The following CEBPB variants were observed in gnomAD, a reference collection of about 807,000 sequenced individuals.
The protein encoded by CEBPB is CCAAT/enhancer-binding protein beta.
For synonymous variants in CEBPB, 295 were observed against 267.1 expected, an observed-to-expected ratio of 1.10 and a Z score of -1.02; for missense variants, 498 against 533.1, an observed-to-expected ratio of 0.93 and a Z score of 0.65.
In CEBPB at chr20:50,192,312, G is replaced by C; in HGVS notation, c.*241G>C. On this transcript the variant is annotated 3_prime_UTR_variant, in exon 1 of 1. Coordinates refer to ENST00000303004, the MANE Select transcript of CEBPB (RefSeq NM_005194.4). ...CCGTGGTGTTATTTAAAGAAGAAACGTCTATGTGTACAGATGAATGATAAA... is the reference window on the plus strand; with the variant it reads ...CCGTGGTGTTATTTAAAGAAGAAACCTCTATGTGTACAGATGAATGATAAA... 1 of 188,152 alleles carries C rather than the reference G, an allele frequency of 5.3e-6. No homozygotes were observed. The highest frequency in any genetic ancestry group is 1.2e-5 in the Non-Finnish European group (1 of 84,678). The allele number at this position is 188,152 out of a possible 1,614,324, so 11.7% of individuals were successfully genotyped here. A position where few individuals can be genotyped will look rare whatever the true frequency, so the allele number is the denominator to read the frequency against.
At chr20:50,190,591 C>CCGGGGCGG (rs2081568060), upstream of CEBPB, 1 of 152,398 alleles carries the variant, frequency 6.6e-6, no homozygotes. Context: ...GCTCCCAATC[C>CCGGGGCGG]CGGGGCGGCC....
chr20:50,191,969 G>A lies in CEBPB; in HGVS notation c.936G>A (p.Arg312=). 6.2e-7 allele frequency: 1 copy of A among 1,611,778 alleles called. No homozygotes were observed. Among genetic ancestry groups the A allele is most frequent in the Non-Finnish European group, 8.5e-7 (1 of 1,179,330 alleles). ...TGGAGCTCACGGCCGAGAACGAGCG[G>A]CTGCAGAAGAAGGTGGAGCAGCTGT... ...KVLELTAENE[R]LQKKVEQLSR... The change falls in exon 1 of 1, where the codon CGG becomes CGA. Residue 312 remains arginine, a synonymous_variant. Transcript: ENST00000303004.
chr20:50,190,740 C>T (rs1251488986), upstream of CEBPB: 2 of 265,942 alleles, frequency 7.5e-6, no homozygotes, highest in Non-Finnish European at 1.4e-5. Context: ...CCGTGTCCTT[C>T]GCGTCCCGGC....
In CEBPB at chr20:50,191,074, T is replaced by TGCC. The variant is rs760594355; in HGVS notation, c.54_56dup (p.Pro19dup). Reference sequence around the variant, plus strand: ...GCCTGGGACCCAGCATGTCTCCCCCTGCCGCCGCCGCCGCCTGCCTTTAAA... The same window carrying TGCC: ...GCCTGGGACCCAGCATGTCTCCCCCTGCCGCCGCCGCCGCCGCCTGCCTTTAAA... On this transcript the variant is annotated inframe_insertion, in exon 1 of 1. Transcript: ENST00000303004. 56 of 1,553,676 alleles carry TGCC rather than the reference T, an allele frequency of 3.6e-5. No individual in the cohort carries two copies. The highest frequency in any genetic ancestry group is 8.5e-5 in the African/African-American group (6 of 70,340).
At position 50,192,149 on chromosome 20, in the gene CEBPB, C is replaced by G; in HGVS notation, c.*78C>G. The stretch of plus-strand genomic sequence containing the variant: ...GCCCGCGCCCGCGCCCTCGCCCCCG[C>G]CCCCGGCGGCGCCGGCAAAACTTTG... On this transcript the variant is annotated 3_prime_UTR_variant, in exon 1 of 1. Coordinates refer to ENST00000303004, the MANE Select transcript of CEBPB (RefSeq NM_005194.4). 8.4e-7 allele frequency: 1 copy of G among 1,192,624 alleles called. No homozygotes were observed. 73.9% of individuals were successfully genotyped at this position (1,192,624 alleles called of 1,614,324 possible).
At position 50,192,405 on chromosome 20, in the gene CEBPB, C is replaced by G. The variant is rs1334874849; in HGVS notation, c.*334C>G. On this transcript the variant is annotated 3_prime_UTR_variant, in exon 1 of 1. Transcript: ENST00000303004. The stretch of plus-strand genomic sequence containing the variant: ...GGGCCGGTTTCGAAGTTGATGCAAT[C>G]GGTTTAAACATGGCTGAACGCGTGT... 1.8e-5 allele frequency: 3 copies of G among 169,302 alleles called. No homozygotes were observed. The highest frequency in any genetic ancestry group is 4.8e-5 in the African/African-American group (2 of 41,458). The allele number at this position is 169,302 out of a possible 1,614,324, so 10.5% of individuals were successfully genotyped here. A position where few individuals can be genotyped will look rare whatever the true frequency, so the allele number is the denominator to read the frequency against.
Position 50,191,092 on chromosome 20 carries a change from C to A in CEBPB, c.59C>A (p.Ala20Asp). ...ACLPLPPPPP[A>D]FKSMEVANFY... is the part of the protein sequence containing the mutation. ...CTCCCCCTGCCGCCGCCGCCGCCTG[C>A]CTTTAAATCCATGGAAGTGGCCAAC... is the stretch of plus-strand genomic sequence containing the variant. Residue 20 changes from alanine to aspartate, a missense_variant, in exon 1 of 1, where the codon GCC (alanine) becomes GAC (aspartate). Physicochemically the swap from Ala to Asp is moderately radical, Grantham distance 126 (BLOSUM62 -2). Transcript: ENST00000303004. The A allele has an allele frequency of 6.4e-7, 1 of 1,557,598 alleles. No homozygotes were observed.
Position 50,192,023 on chromosome 20 carries a change from G to A in CEBPB, c.990G>A (p.Leu330=), listed in dbSNP as rs1178388370. The change falls in exon 1 of 1, where the codon TTG becomes TTA. Residue 330 remains leucine (L), a synonymous_variant. Coordinates refer to ENST00000303004, the MANE Select transcript of CEBPB (RefSeq NM_005194.4). ...GCGAGCTCAGCACCCTGCGGAACTT[G>A]TTCAAGCAGCTGCCCGAGCCCCTGC... ...LSRELSTLRN[L]FKQLPEPLLA... 1 of 1,602,218 alleles carries A rather than the reference G, an allele frequency of 6.2e-7. No homozygotes were observed. The highest frequency in any genetic ancestry group is 8.5e-7 in the Non-Finnish European group (1 of 1,175,874).
At position 50,191,276 on chromosome 20, in the gene CEBPB, G is replaced by A. The variant is rs1332300890; in HGVS notation, c.243G>A (p.Pro81=). 1 of 1,278,782 alleles carries A rather than the reference G, an allele frequency of 7.8e-7. No individual in the cohort carries two copies. The highest frequency in any genetic ancestry group is 9.9e-7 in the Non-Finnish European group (1 of 1,012,040). The allele number at this position is 1,278,782 out of a possible 1,614,324, so 79.2% of individuals were successfully genotyped here. Residue 81 remains proline (P), a synonymous_variant, in exon 1 of 1, where the codon CCG becomes CCA. Coordinates refer to ENST00000303004, the MANE Select transcript of CEBPB (RefSeq NM_005194.4). ...TCGACTTCAGCCCGTACCTGGAGCC[G>A]CTGGGCGCGCCGCAGGCCCCGGCGC... ...RAIDFSPYLE[P]LGAPQAPAPA...
At position 50,191,553 on chromosome 20, in the gene CEBPB, A is replaced by G; in HGVS notation, c.520A>G (p.Lys174Glu). ...PPPPPPPAEL[K>E]AEPGFEPADC... ...GCCGCCGCCGCCGCCCGCCGAGCTCAAGGCGGAGCCGGGCTTCGAGCCCGC... is the reference window on the plus strand; with the variant it reads ...GCCGCCGCCGCCGCCCGCCGAGCTCGAGGCGGAGCCGGGCTTCGAGCCCGC... The change falls in exon 1 of 1, where the codon AAG becomes GAG. Residue 174 changes from lysine (K) to glutamate (E), a missense_variant. Physicochemically the swap from Lys to Glu is moderately conservative, Grantham distance 56. Transcript: ENST00000303004. 7.5e-7 allele frequency: 1 copy of G among 1,333,644 alleles called. No individual in the cohort carries two copies. Among genetic ancestry groups the G allele is most frequent in the South Asian group, 2.1e-5 (1 of 48,010 alleles). 82.6% of individuals were successfully genotyped at this position (1,333,644 alleles called of 1,614,324 possible). A position where few individuals can be genotyped will look rare whatever the true frequency, so the allele number is the denominator to read the frequency against.
In CEBPB at chr20:50,190,862, G is replaced by C; in HGVS notation, c.-172G>C. ...CAGAGCCGCGCACGGGACTGGGAAG[G>C]GGACCCACCCGAGGGTCCAGCCACC... On this transcript the variant is annotated 5_prime_UTR_variant, in exon 1 of 1. Transcript: ENST00000303004. 1.4e-6 allele frequency: 1 copy of C among 728,102 alleles called. No individual in the cohort carries two copies. The highest frequency in any genetic ancestry group is 2.0e-6 in the Non-Finnish European group (1 of 508,262). 45.1% of individuals were successfully genotyped at this position (728,102 alleles called of 1,614,324 possible). A position where few individuals can be genotyped will look rare whatever the true frequency, so the allele number is the denominator to read the frequency against.
In CEBPB at chr20:50,191,303, C is replaced by CGCCACG; in HGVS notation, c.278_283dup (p.Ala93_Thr94dup). ...TGGGCGCGCCGCAGGCCCCGGCGCC[C>CGCCACG]GCCACGGCCACGGACACCTTCGAGG... On this transcript the variant is annotated inframe_insertion, in exon 1 of 1. Transcript: ENST00000303004. The CGCCACG allele has an allele frequency of 6.7e-6, 9 of 1,344,000 alleles. No individual in the cohort carries two copies. The South Asian group carries it at 1.6e-4, about 23-fold the overall frequency. 83.3% of individuals were successfully genotyped at this position (1,344,000 alleles called of 1,614,324 possible). A position where few individuals can be genotyped will look rare whatever the true frequency, so the allele number is the denominator to read the frequency against.
chr20:50,191,382 T>TTCC lies in CEBPB; in HGVS notation c.352_354dup (p.Leu118dup), dbSNP rs753037342. 5 of 1,495,276 alleles carry TTCC rather than the reference T, an allele frequency of 3.3e-6. No individual in the cohort carries two copies. Among genetic ancestry groups the TTCC allele is most frequent in the Non-Finnish European group, 4.5e-6 (5 of 1,117,674 alleles). 92.6% of individuals were successfully genotyped at this position (1,495,276 alleles called of 1,614,324 possible). A position where few individuals can be genotyped will look rare whatever the true frequency, so the allele number is the denominator to read the frequency against. ...CGCCTCCTCCGGGCAGCACCACGACTTCCTCTCCGACCTCTTCTCCGACGA... is the reference window on the plus strand; with the variant it reads ...CGCCTCCTCCGGGCAGCACCACGACTTCCTCCTCTCCGACCTCTTCTCCGACGA... On this transcript the variant is annotated inframe_insertion, in exon 1 of 1. Transcript: ENST00000303004.
At position 50,191,528 on chromosome 20, in the gene CEBPB, G is replaced by A; in HGVS notation, c.495G>A (p.Pro165=). 2 of 1,261,064 alleles carry A rather than the reference G, an allele frequency of 1.6e-6. No homozygotes were observed. Among genetic ancestry groups the A allele is most frequent in the South Asian group, 2.7e-5 (1 of 36,690 alleles). 78.1% of individuals were successfully genotyped at this position (1,261,064 alleles called of 1,614,324 possible). A position where few individuals can be genotyped will look rare whatever the true frequency, so the allele number is the denominator to read the frequency against. The part of the protein sequence containing the change: ...GCFAPLHPPP[P]PPPPPAELKA... ...TCGCGCCCCTGCACCCACCGCCCCC[G>A]CCGCCGCCGCCGCCCGCCGAGCTCA... The change falls in exon 1 of 1, where the codon CCG becomes CCA. Residue 165 remains proline (P), a synonymous_variant. Coordinates refer to ENST00000303004, the MANE Select transcript of CEBPB (RefSeq NM_005194.4).
chr20:50,191,088 C>A lies in CEBPB; in HGVS notation c.55C>A (p.Pro19Thr). Residue 19 changes from proline (P) to threonine (T), a missense_variant, in exon 1 of 1, where the codon CCT becomes ACT. Pro to Thr is a conservative substitution (Grantham distance 38). Transcript: ENST00000303004. Reference protein sequence around the residue: ...PACLPLPPPPPAFKSMEVANF... With the variant: ...PACLPLPPPPTAFKSMEVANF... ...ATGTCTCCCCCTGCCGCCGCCGCCG[C>A]CTGCCTTTAAATCCATGGAAGTGGC... 1 of 1,557,626 alleles carries A rather than the reference C, an allele frequency of 6.4e-7. No homozygotes were observed.
chr20:50,192,274 A>T lies in CEBPB; in HGVS notation c.*203A>T. 4.6e-6 allele frequency: 1 copy of T among 217,404 alleles called. No homozygotes were observed. The highest frequency in any genetic ancestry group is 9.4e-6 in the Non-Finnish European group (1 of 106,216). The allele number at this position is 217,404 out of a possible 1,614,324, so 13.5% of individuals were successfully genotyped here. On this transcript the variant is annotated 3_prime_UTR_variant, in exon 1 of 1. Transcript: ENST00000303004. ...TTGTCCAAACCAACCGCACATGCAG[A>T]TGGGGCTCCCGCCCGTGGTGTTATT...
In CEBPB at chr20:50,191,813, G is replaced by T; in HGVS notation, c.780G>T (p.Lys260Asn). Residue 260 changes from lysine (K) to asparagine (N), a missense_variant, in exon 1 of 1, where the codon AAG (lysine) becomes AAT (asparagine). Lys to Asn is a moderately conservative substitution (Grantham distance 94, BLOSUM62 0). Transcript: ENST00000303004. ...AGAAPAPSQV[K>N]SKAKKTVDKH... Reference sequence around the variant, plus strand: ...CCGCGCCGGCGCCCTCGCAGGTCAAGAGCAAGGCCAAGAAGACCGTGGACA... The same window carrying T: ...CCGCGCCGGCGCCCTCGCAGGTCAATAGCAAGGCCAAGAAGACCGTGGACA... 1 of 1,581,176 alleles carries T rather than the reference G, an allele frequency of 6.3e-7. No homozygotes were observed. The highest frequency in any genetic ancestry group is 8.6e-7 in the Non-Finnish European group (1 of 1,164,566).
In CEBPB at chr20:50,192,148, G is replaced by A. The variant is rs1242745236; in HGVS notation, c.*77G>A. 2 of 1,197,796 alleles carry A rather than the reference G, an allele frequency of 1.7e-6. No homozygotes were observed. The highest frequency in any genetic ancestry group is 2.1e-6 in the Non-Finnish European group (2 of 955,228). The allele number at this position is 1,197,796 out of a possible 1,614,324, so 74.2% of individuals were successfully genotyped here. On this transcript the variant is annotated 3_prime_UTR_variant, in exon 1 of 1. Coordinates refer to ENST00000303004, the MANE Select transcript of CEBPB (RefSeq NM_005194.4). Reference sequence around the variant, plus strand: ...CGCCCGCGCCCGCGCCCTCGCCCCCGCCCCCGGCGGCGCCGGCAAAACTTT... The same window carrying A: ...CGCCCGCGCCCGCGCCCTCGCCCCCACCCCCGGCGGCGCCGGCAAAACTTT...
In CEBPB at chr20:50,192,638, C is replaced by G. The variant is rs2081586842; in HGVS notation, c.*567C>G. 6.0e-6 allele frequency: 1 copy of G among 166,802 alleles called. No individual in the cohort carries two copies. Among genetic ancestry groups the G allele is most frequent in the Non-Finnish European group, 1.5e-5 (1 of 68,116 alleles). The allele number at this position is 166,802 out of a possible 1,614,324, so 10.3% of individuals were successfully genotyped here. A position where few individuals can be genotyped will look rare whatever the true frequency, so the allele number is the denominator to read the frequency against. On this transcript the variant is annotated 3_prime_UTR_variant, in exon 1 of 1. Coordinates refer to ENST00000303004, the MANE Select transcript of CEBPB (RefSeq NM_005194.4). ...TTTTCCGTTTCAAGCATTAAGAACA[C>G]TTTTAATAAACTTTTTTTTGAGAAT...
Sources: gnomAD v4.1 joint callset for allele counts on GRCh38, gnomAD v4.1.1 for gene constraint, MANE v1.5 for transcripts, NCBI Gene and HGNC (gene_info 2026-07-23, HGNC 2026-07-21) for gene names.